ATXN7L1: variants seen among roughly 807,000 people sequenced by gnomAD.
ATXN7L1 encodes the protein ataxin-7-like protein 1.
ATXN7L1 carries 15 observed loss-of-function variants against 70.8 expected under a neutral mutation model. That is an observed-to-expected ratio of 0.21 (90% CI 0.14 to 0.33). The LOEUF (loss-of-function observed/expected upper bound fraction) is 0.33, where lower values mean the gene tolerates loss of function less well. ATXN7L1 is among the 10% of genes least tolerant of loss of function. The pLI, the probability that ATXN7L1 is intolerant of heterozygous loss-of-function variation, is 1.00. For missense variants in ATXN7L1, 975 were observed against 1,097.1 expected, an observed-to-expected ratio of 0.89 and a Z score of 1.57; for synonymous variants, 440 against 445.1, an observed-to-expected ratio of 0.99 and a Z score of 0.14.
intron 3 of ATXN7L1, among the ~76,000 whole-genome samples, chr7:105,725,348 T>C (rs1483106719): frequency 6.6e-6 from 1 of 152,180 alleles, no homozygotes; most frequent in East Asian, 1.9e-4. Flanking sequence ...CCGGAGCCAG[T>C]TGTGACAAAT....
intron 3 of ATXN7L1, among the ~76,000 whole-genome samples, chr7:105,694,159 T>C (rs1323677772): frequency 1.3e-5 from 2 of 152,070 alleles, no homozygotes; most frequent in African/African-American, 2.4e-5. Flanking sequence ...GCAATTCTCC[T>C]GCCTCAGCCT....
At chr7:105,866,984 A>G (rs1817579976) in intron 2 of ATXN7L1, among the ~76,000 whole-genome samples, 1 of 152,218 alleles carries the variant, frequency 6.6e-6, no homozygotes, top group African/African-American at 2.4e-5. Flanking sequence ...AATGTCATAA[A>G]CGAAACGTTA....
At chr7:105,722,851 T>C (rs6943041) in intron 3 of ATXN7L1, among the ~76,000 whole-genome samples, 88,920 of 151,824 alleles carry the variant, frequency 0.59, 27,322 homozygotes, top group East Asian at 0.78. Flanking sequence ...CACCACTGCA[T>C]TCCAGCCTGG....
intron 2 of ATXN7L1, among the ~76,000 whole-genome samples, chr7:105,833,723 T>A (rs1224099462): frequency 6.6e-6 from 1 of 152,244 alleles, no homozygotes; most frequent in Admixed American, 6.5e-5. Context: ...GTTAATGATA[T>A]GCATGCTGGA....
intron 3 of ATXN7L1, among the ~76,000 whole-genome samples, chr7:105,750,290 T>C (rs975016539): frequency 6.6e-6 from 1 of 151,616 alleles, no homozygotes; most frequent in Admixed American, 6.6e-5. Flanking sequence ...GCTCTTTTTT[T>C]TTTTTGAGAC....
At chr7:105,831,665 T>C (rs367794143) in intron 2 of ATXN7L1, among the ~76,000 whole-genome samples, 46 of 152,132 alleles carry the variant, frequency 3.0e-4, no homozygotes, top group Admixed American at 2.4e-3. Flanking sequence ...ATATAGGAGA[T>C]GAGAGTAGAC....
intron 2 of ATXN7L1, among the ~76,000 whole-genome samples, chr7:105,873,542 T>C (rs533722152): frequency 6.6e-6 from 1 of 152,334 alleles, no homozygotes; most frequent in African/African-American, 2.4e-5. Flanking sequence ...ATTCAGTATA[T>C]AGATATTTTA....
chr7:105,819,463 G>C (rs1358971068), intron 2 of ATXN7L1: 1 of 625,744 alleles, frequency 1.6e-6, no homozygotes, highest in African/African-American at 1.9e-5. Flanking sequence ...AAAAAAAAAA[G>C]AGTGTCCTTT....
At chr7:105,645,810 C>A (rs895919000) in intron 4 of ATXN7L1, among the ~76,000 whole-genome samples, 1 of 143,264 alleles carries the variant, frequency 7.0e-6, no homozygotes, top group African/African-American at 2.6e-5. Flanking sequence ...GAGACGCCAC[C>A]ACAAACAAAC....
intron 3 of ATXN7L1, among the ~76,000 whole-genome samples, chr7:105,746,801 A>G (rs1158837422): frequency 2.0e-5 from 3 of 152,182 alleles, no homozygotes; most frequent in African/African-American, 7.2e-5. Context: ...GATGCATAAA[A>G]TGCACACTCA....
chr7:105,626,711 AC>A (rs1795744157), intron 7 of ATXN7L1, among the ~76,000 whole-genome samples: 1 of 152,334 alleles, frequency 6.6e-6, no homozygotes, highest in African/African-American at 2.4e-5. Context: ...TTGTCTGCTT[AC>A]CGCTGAAGAC....
intron 9 of ATXN7L1, among the ~76,000 whole-genome samples, chr7:105,619,138 T>C (rs1245633082): frequency 1.6e-5 from 2 of 127,704 alleles, no homozygotes; most frequent in Non-Finnish European, 3.3e-5. Context: ...ATGAAATCTT[T>C]AGTTTTTTTT....
At chr7:105,619,368 T>C (rs1205718249) in intron 9 of ATXN7L1, among the ~76,000 whole-genome samples, 1 of 146,590 alleles carries the variant, frequency 6.8e-6, no homozygotes, top group Non-Finnish European at 1.5e-5. Flanking sequence ...AGGCTGGTCT[T>C]GGACTCCTGA....
intron 2 of ATXN7L1, among the ~76,000 whole-genome samples, chr7:105,841,892 G>A (rs973264517): frequency 1.3e-5 from 2 of 152,160 alleles, no homozygotes; most frequent in Non-Finnish European, 2.9e-5. Context: ...AGATAAGGGG[G>A]ACTACTGGAC....
chr7:105,862,363 C>T (rs111417190), intron 2 of ATXN7L1, among the ~76,000 whole-genome samples: 3,887 of 152,100 alleles, frequency 0.026, 65 homozygotes, highest in East Asian at 0.065. Flanking sequence ...CACTTGAGCC[C>T]GGGAGGTCAA....
chr7:105,828,631 T>C (rs1286065885), intron 2 of ATXN7L1, among the ~76,000 whole-genome samples: 1 of 152,228 alleles, frequency 6.6e-6, no homozygotes, highest in African/African-American at 2.4e-5. Context: ...CTAAGCACTT[T>C]GTAAGCAATA....
intron 2 of ATXN7L1, among the ~76,000 whole-genome samples, chr7:105,798,397 A>G (rs1385312023): frequency 3.3e-5 from 5 of 152,160 alleles, no homozygotes; most frequent in African/African-American, 1.2e-4. Flanking sequence ...TGGGCCTGGA[A>G]GATCTAGACT....
At chr7:105,697,686 A>G (rs1019684375) in intron 3 of ATXN7L1, among the ~76,000 whole-genome samples, 2 of 152,262 alleles carry the variant, frequency 1.3e-5, no homozygotes, top group East Asian at 3.8e-4. Context: ...TTGATTGGGG[A>G]AGTGATAAGT....
chr7:105,651,718 A>G (rs1353606096), intron 4 of ATXN7L1, among the ~76,000 whole-genome samples: 1 of 152,224 alleles, frequency 6.6e-6, no homozygotes, highest in Non-Finnish European at 1.5e-5. Flanking sequence ...GCACTGCTTA[A>G]GCCTGGACTA....
Sources: allele counts gnomAD v4.1 joint callset (sites outside exome capture counted in the v4.1 genomes callset), GRCh38; gene constraint gnomAD v4.1.1; transcripts MANE v1.5; gene names NCBI Gene and HGNC (gene_info 2026-07-23, HGNC 2026-07-21).